SMAP2: variants seen among roughly 807,000 people sequenced by gnomAD.
The protein encoded by SMAP2 is small ArfGAP2.
In SMAP2, 25 loss-of-function variants were observed where a neutral mutation model predicts 56.4. That is an observed-to-expected ratio of 0.44 (90% CI 0.32 to 0.62). SMAP2 has a LOEUF of 0.62. Among genes scored for constraint, SMAP2 ranks in the 20% least tolerant of loss-of-function variants. The probability of loss-of-function intolerance (pLI) is 0.04; values close to 1 mark genes in which losing one functional copy is unlikely to be tolerated. For missense variants in SMAP2, 388 were observed against 545.6 expected, an observed-to-expected ratio of 0.71 and a Z score of 2.88; for synonymous variants, 157 against 181.7, an observed-to-expected ratio of 0.86 and a Z score of 1.09.
At chr1:40,412,380 G>T (rs1366791617) in intron 4 of SMAP2, among the ~76,000 whole-genome samples, 1 of 152,068 alleles carries the variant, frequency 6.6e-6, no homozygotes, top group Non-Finnish European at 1.5e-5. Context: ...TGCATAAAGT[G>T]CATTTTAAAT....
Position 40,374,173 on chromosome 1 carries a change from A to C in SMAP2, c.53A>C (p.Asn18Thr), listed in dbSNP as rs751728612. ...DVDRYQAVLA[N>T]LLLEEDNKFC... is the part of the protein sequence containing the mutation. ...GATCGGTACCAGGCTGTCCTGGCCA[A>C]CCTGCTGCTGGAGGAGGATAACAAG... Residue 18 changes from asparagine to threonine, a missense_variant, in exon 1 of 10, where the codon AAC becomes ACC. Asn to Thr is a moderately conservative substitution (Grantham distance 65, BLOSUM62 0). Coordinates refer to ENST00000372718, the MANE Select transcript of SMAP2 (RefSeq NM_022733.3). The surrounding 1 kb of genome is among the most constrained non-coding windows in gnomAD (Gnocchi z 5.9). The C allele has an allele frequency of 1.9e-6, 3 of 1,613,828 alleles. No individual in the cohort carries two copies. The South Asian group carries it at 3.3e-5, about 18-fold the overall frequency.
chr1:40,374,516 T>G lies in SMAP2; in HGVS notation c.103+293T>G, dbSNP rs578163060. 16 of 820,684 alleles carry G rather than the reference T, an allele frequency of 1.9e-5. No homozygotes were observed. Among genetic ancestry groups the G allele is most frequent in the East Asian group, 8.0e-5 (3 of 37,592 alleles). The allele number at this position is 820,684 out of a possible 1,614,324, so 50.8% of individuals were successfully genotyped here. A position where few individuals can be genotyped will look rare whatever the true frequency, so the allele number is the denominator to read the frequency against. On this transcript the variant is annotated intron_variant, in intron 1 of 9. Transcript: ENST00000372718. The surrounding 1 kb of genome is among the most constrained non-coding windows in gnomAD (Gnocchi z 5.9). Reference sequence around the variant, plus strand: ...GTATTTGAGGGCTCTGAATGAGTTCTGGGCCGGCTGTCCAGAGAGAGCTCC... The same window carrying G: ...GTATTTGAGGGCTCTGAATGAGTTCGGGGCCGGCTGTCCAGAGAGAGCTCC...
intron 1 of SMAP2, among the ~76,000 whole-genome samples, chr1:40,360,093 G>A (rs141280003): frequency 0.043 from 5,819 of 133,828 alleles, 384 homozygotes; most frequent in African/African-American, 0.15. Flanking sequence ...TGCAAGCTCC[G>A]CCTCCCAGGT....
At position 40,402,029 on chromosome 1, in the gene SMAP2, T is replaced by TAG. The variant is rs200347057; in HGVS notation, c.104-4707_104-4706insAG. On this transcript the variant is annotated intron_variant, in intron 1 of 9. Transcript: ENST00000372718. Reference sequence around the variant, plus strand: ...ACTTATGTGTGACCTTGTTCTTGTGTTGTGCCGATCACTACCAGTTTACAT... The same window carrying TAG: ...ACTTATGTGTGACCTTGTTCTTGTGTAGTGTGCCGATCACTACCAGTTTACAT... Among the ~76,000 whole-genome samples, 1,374 of 152,376 alleles carry TAG rather than the reference T, an allele frequency of 9.0e-3. 15 individuals carry two copies. The highest frequency in any genetic ancestry group is 0.031 in the African/African-American group (1,308 of 41,582).
At chr1:40,401,130 G>A (rs530963536) in intron 1 of SMAP2, among the ~76,000 whole-genome samples, 276 of 152,240 alleles carry the variant, frequency 1.8e-3, no homozygotes, top group African/African-American at 6.4e-3. Context: ...GGGCGTGATC[G>A]CGGGCGCCTG....
At chr1:40,347,254 T>C (rs78765473) in intron 1 of SMAP2, among the ~76,000 whole-genome samples, 70 of 147,372 alleles carry the variant, frequency 4.7e-4, no homozygotes, top group Non-Finnish European at 8.9e-4. Flanking sequence ...TGTTTTTGTT[T>C]TTTTTTTTTT....
At chr1:40,418,768 C>T (rs1380696521) in intron 9 of SMAP2, among the ~76,000 whole-genome samples, 2 of 152,184 alleles carry the variant, frequency 1.3e-5, no homozygotes, top group African/African-American at 4.8e-5. Context: ...TAAAGACACT[C>T]AAGTGTATGC....
In SMAP2 at chr1:40,386,429, T is replaced by C. The variant is rs1337050636; in HGVS notation, c.103+12206T>C. ...ACAGTATTAACATTCCCAGATTATA[T>C]GAAAGAGAAAGGAAGCTTCATTAAA... is the stretch of plus-strand genomic sequence containing the variant. On this transcript the variant is annotated intron_variant, in intron 1 of 9. Transcript: ENST00000372718. The surrounding 1 kb of genome is among the most constrained non-coding windows in gnomAD (Gnocchi z 4.1). Among the ~76,000 whole-genome samples the C allele has an allele frequency of 6.6e-6, 1 of 152,052 alleles. No homozygotes were observed. Among genetic ancestry groups the C allele is most frequent in the African/African-American group, 2.4e-5 (1 of 41,366 alleles).
intron 4 of SMAP2, among the ~76,000 whole-genome samples, chr1:40,411,136 G>A (rs1245700248): frequency 1.3e-5 from 2 of 152,194 alleles, no homozygotes. Context: ...GCAAGTAAGT[G>A]TAATACATAT....
chr1:40,359,452 G>T (rs1279983354), intron 1 of SMAP2, among the ~76,000 whole-genome samples: 1 of 152,108 alleles, frequency 6.6e-6, no homozygotes, highest in East Asian at 1.9e-4. Context: ...ACCAGGTCTT[G>T]TTTTTTCATC....
At position 40,385,013 on chromosome 1, in the gene SMAP2, G is replaced by T. The variant is rs184516029; in HGVS notation, c.103+10790G>T. Among the ~76,000 whole-genome samples, 1 of 152,010 alleles carries T rather than the reference G, an allele frequency of 6.6e-6. No homozygotes were observed. The highest frequency in any genetic ancestry group is 1.5e-5 in the Non-Finnish European group (1 of 68,012). ...TTTCCCCACAGGCTTTGTGAATGCCGGTCCACTGATGGCTGAACTGCAGGT... is the reference window on the plus strand; with the variant it reads ...TTTCCCCACAGGCTTTGTGAATGCCTGTCCACTGATGGCTGAACTGCAGGT... On this transcript the variant is annotated intron_variant, in intron 1 of 9. Transcript: ENST00000372718. This position sits in a 1 kb window ranked among gnomAD's most constrained non-coding sequence, Gnocchi z 4.5.
chr1:40,388,531 T>C (rs192609968), intron 1 of SMAP2, among the ~76,000 whole-genome samples: 4 of 152,128 alleles, frequency 2.6e-5, no homozygotes, highest in African/African-American at 4.8e-5. Context: ...CTAGCTACTC[T>C]TGGTGGGGAT....
At position 40,422,407 on chromosome 1, in the gene SMAP2, CCCTT is replaced by C. The variant is rs1419291353; in HGVS notation, c.*309_*312del. The C allele has an allele frequency of 3.1e-6, 1 of 321,264 alleles. No individual in the cohort carries two copies. The highest frequency in any genetic ancestry group is 6.1e-6 in the Non-Finnish European group (1 of 163,784). 19.9% of individuals were successfully genotyped at this position (321,264 alleles called of 1,614,324 possible). ...GGGAGAAGTGTGCACACCTTTGAGT[CCCTT>C]CCCTCAAGGTTAAAGCTCCTGTCAG... On this transcript the variant is annotated 3_prime_UTR_variant, in exon 10 of 10. Coordinates refer to ENST00000372718, the MANE Select transcript of SMAP2 (RefSeq NM_022733.3).
At chr1:40,397,289 A>T (rs1569880576) in intron 1 of SMAP2, among the ~76,000 whole-genome samples, 1 of 152,304 alleles carries the variant, frequency 6.6e-6, no homozygotes, top group East Asian at 1.9e-4. Context: ...CCACATGGGG[A>T]TCATTTCTCT....
chr1:40,376,020 G>A (rs1196396393), intron 1 of SMAP2, among the ~76,000 whole-genome samples: 4 of 151,874 alleles, frequency 2.6e-5, no homozygotes, highest in Admixed American at 2.0e-4. Flanking sequence ...GTGCAATCTC[G>A]GCTCACTGCA....
In SMAP2 at chr1:40,416,331, G is replaced by A; in HGVS notation, c.837G>A (p.Met279Ile). 1 of 1,613,468 alleles carries A rather than the reference G, an allele frequency of 6.2e-7. No homozygotes were observed. The highest frequency in any genetic ancestry group is 8.5e-7 in the Non-Finnish European group (1 of 1,179,762). ...LSLYGSQTPQMPTQAMFMAPA... is the reference protein window; with the variant it reads ...LSLYGSQTPQIPTQAMFMAPA... The stretch of plus-strand genomic sequence containing the variant: ...TGTATGGATCCCAGACGCCTCAAAT[G>A]CCTACTCAAGGTAGATTTCATGGGT... Residue 279 changes from methionine (M) to isoleucine (I), a missense_variant, in exon 8 of 10, where the codon ATG becomes ATA. Coordinates refer to ENST00000372718, the MANE Select transcript of SMAP2 (RefSeq NM_022733.3).
intron 2 of SMAP2, among the ~76,000 whole-genome samples, chr1:40,407,823 TAC>T (rs1239255145): frequency 6.6e-6 from 1 of 152,214 alleles, no homozygotes; most frequent in Non-Finnish European, 1.5e-5. Context: ...CTGGAATGCA[TAC>T]ATGAATCTTG....
intron 1 of SMAP2, among the ~76,000 whole-genome samples, chr1:40,379,674 G>A (rs1644578108): frequency 6.7e-6 from 1 of 150,160 alleles, no homozygotes; most frequent in South Asian, 2.1e-4. Context: ...CTCCTGAGTA[G>A]CAGGGATTAC....
chr1:40,371,556 C>G (rs989028770), upstream of SMAP2, among the ~76,000 whole-genome samples: 6 of 152,172 alleles, frequency 3.9e-5, no homozygotes, highest in African/African-American at 1.4e-4. Context: ...GCTAATAGAG[C>G]AACCAACATC....
Sources: allele counts gnomAD v4.1 joint callset (sites outside exome capture counted in the v4.1 genomes callset), GRCh38; gene constraint gnomAD v4.1.1; non-coding constraint Gnocchi (gnomAD v3.1); transcripts MANE v1.5; gene names NCBI Gene and HGNC (gene_info 2026-07-23, HGNC 2026-07-21).